The following KLC4 variants were observed in gnomAD, a reference collection of about 807,000 sequenced individuals.
KLC4 encodes kinesin light chain 4, also known as kinesin-like protein 8.
In KLC4, 49 loss-of-function variants were observed where a neutral mutation model predicts 77.2. The observed-to-expected ratio is 0.63, with a 90% CI of 0.50 to 0.80. The LOEUF (loss-of-function observed/expected upper bound fraction) is 0.80, where lower values mean the gene tolerates loss of function less well. Ranked by LOEUF, KLC4 falls within the 30% of genes least tolerant of loss-of-function variation. The pLI is 0.00. For synonymous variants in KLC4, 274 were observed against 314.5 expected (o/e 0.87, Z 1.36); for missense variants, 669 against 793.5 (o/e 0.84, Z 1.89).
rs1244831750 is a variant in KLC4 at position 43,063,030 on chromosome 6, T to C, written c.372T>C (p.Ala124=). 1.2e-6 allele frequency: 2 copies of C among 1,614,190 alleles called. No homozygotes were observed. Among genetic ancestry groups the C allele is most frequent in the South Asian group, 2.2e-5 (2 of 91,086 alleles). The change falls in exon 3 of 16, where the codon GCT becomes GCC. Residue 124 remains alanine (A), a synonymous_variant. Transcript: ENST00000347162. The part of the protein sequence containing the change: ...QENQWLRDEL[A]GTQQRLQRSE... ...ACCAGTGGCTGCGGGATGAGCTGGCTGGCACCCAGCAGCGGCTACAGCGCA... is the reference window on the plus strand; with the variant it reads ...ACCAGTGGCTGCGGGATGAGCTGGCCGGCACCCAGCAGCGGCTACAGCGCA...
At chr6:43,072,055 T>A (rs1375851093) in intron 11 of KLC4, 92 bp from the exon 12 acceptor site, 1 of 1,411,104 alleles carries the variant, frequency 7.1e-7, no homozygotes, top group Admixed American at 1.7e-5. Flanking sequence ...TCCTATTTTC[T>A]TATTTTTTTT....
At position 43,066,408 on chromosome 6, in the gene KLC4, G is replaced by T; in HGVS notation, c.674G>T (p.Gly225Val). 1 of 1,614,234 alleles carries T rather than the reference G, an allele frequency of 6.2e-7. No individual in the cohort carries two copies. The highest frequency in any genetic ancestry group is 8.5e-7 in the Non-Finnish European group (1 of 1,180,052). Reference sequence around the variant, plus strand: ...CTGGTGATCCAGTACGCAGCCCAAGGTCGCTATGAGGTGGCCGTGCCACTC... The same window carrying T: ...CTGGTGATCCAGTACGCAGCCCAAGTTCGCTATGAGGTGGCCGTGCCACTC... ...HNLVIQYAAQ[G>V]RYEVAVPLCK... The change falls in exon 5 of 16, where the codon GGT becomes GTT. Residue 225 changes from glycine (G) to valine (V), a missense_variant. Physicochemically the swap from Gly to Val is moderately radical, Grantham distance 109. Transcript: ENST00000347162.
chr6:43,070,167 T>C (rs569969989), intron 6 of KLC4, among the ~76,000 whole-genome samples, 187 bp from the exon 7 acceptor site: 1 of 151,926 alleles, frequency 6.6e-6, no homozygotes, highest in African/African-American at 2.4e-5. Context: ...GGCGATACTG[T>C]CCCTTAGCCT....
chr6:43,073,555 G>A (rs964743497), intron 14 of KLC4: 5 of 528,784 alleles, frequency 9.5e-6, no homozygotes, highest in Admixed American at 3.2e-5. Context: ...GCTGAGGCAG[G>A]AGAATTGCTG....
At chr6:43,059,710 G>A in intron 1 of KLC4, 25 bp downstream of exon 1, 1 of 1,286,930 alleles carries the variant, frequency 7.8e-7, no homozygotes, top group East Asian at 3.2e-5. Context: ...GTATCCTGGG[G>A]CTGAAGGTTA....
Position 43,063,155 on chromosome 6 carries a change from T to C in KLC4, c.489+8T>C, listed in dbSNP as rs559297220. On this transcript the variant is annotated splice_region_variant and intron_variant, in intron 3 of 15. Transcript: ENST00000347162. ...GAGGATGGACATACCTCGGTGAGTG[T>C]GCACAGGCGAGACTGGCTGAGGGGT... 7 of 1,603,652 alleles carry C rather than the reference T, an allele frequency of 4.4e-6. No individual in the cohort carries two copies. The African/African-American group carries it at 9.4e-5, about 21-fold the overall frequency.
rs1016660769 is a variant in KLC4, at chr6:43,059,744, C to T, written c.-26+59C>T. The stretch of plus-strand genomic sequence containing the variant: ...TAAGGTCTCTGCCATCTCTTATTCT[C>T]GCACTACCAGAAAGATGAACAAACC... On this transcript the variant is annotated intron_variant, in intron 1 of 15. Coordinates refer to ENST00000347162, the MANE Select transcript of KLC4 (RefSeq NM_201521.3). 4 of 1,222,818 alleles carry T rather than the reference C, an allele frequency of 3.3e-6. No individual in the cohort carries two copies. In the African/African-American group the frequency reaches 4.7e-5, roughly 14 times the overall value. The allele number at this position is 1,222,818 out of a possible 1,614,324, so 75.7% of individuals were successfully genotyped here.
At chr6:43,073,386 C>T (rs369582680) in intron 14 of KLC4, 48 bp downstream of exon 14, 112 of 1,376,582 alleles carry the variant, frequency 8.1e-5, no homozygotes, top group Non-Finnish European at 1.1e-4. Flanking sequence ...TGCAGTGGCT[C>T]ACGCCTGTAA....
At chr6:43,069,173 A>G (rs1009655354) in intron 6 of KLC4, among the ~76,000 whole-genome samples, 1 of 152,226 alleles carries the variant, frequency 6.6e-6, no homozygotes, top group Non-Finnish European at 1.5e-5. Context: ...AAGTAGAGAT[A>G]TCACGCCAAG....
rs148687735 is a variant in KLC4 at position 43,066,312 on chromosome 6, G to A, written c.578G>A (p.Arg193His). Residue 193 changes from arginine to histidine, a missense_variant, in exon 5 of 16, where the codon CGT (arginine) becomes CAT (histidine). Arg to His is a conservative substitution (Grantham distance 29, BLOSUM62 0). Coordinates refer to ENST00000347162, the MANE Select transcript of KLC4 (RefSeq NM_201521.3). ...EEEDPSNGLS[R>H]GQGATAAQQG... ...ATGTTCTGTGATGGTTTAGTGTCCC[G>A]TGGTCAAGGTGCTACAGCAGCTCAG... 66 of 1,613,726 alleles carry A rather than the reference G, an allele frequency of 4.1e-5. No individual in the cohort carries two copies. The African/African-American group carries it at 5.7e-4, about 14-fold the overall frequency.
chr6:43,074,666 C>A lies in KLC4; in HGVS notation c.1854C>A (p.Ser618Arg), dbSNP rs1281508571. The A allele has an allele frequency of 1.2e-6, 2 of 1,613,998 alleles. No individual in the cohort carries two copies. Among genetic ancestry groups the A allele is most frequent in the Admixed American group, 3.3e-5 (2 of 60,008 alleles). ...CCAGCACCATGGACCTCTCTTCAAG[C>A]AGCTGACATTCAACCCGGCCCCCAG... ...LSASTMDLSS[S>R]S Residue 618 changes from serine to arginine, a missense_variant, in exon 16 of 16, where the codon AGC becomes AGA. Ser to Arg is a moderately radical substitution (Grantham distance 110). Coordinates refer to ENST00000347162, the MANE Select transcript of KLC4 (RefSeq NM_201521.3).
intron 3 of KLC4, 194 bp from the exon 4 acceptor site, chr6:43,065,426 A>C: frequency 1.9e-6 from 1 of 529,758 alleles, no homozygotes; most frequent in Non-Finnish European, 3.4e-6. Flanking sequence ...ATTTTGTCCA[A>C]AGCATCTCTG....
chr6:43,065,502 G>A (rs1444520702), intron 3 of KLC4, 118 bp from the exon 4 acceptor site: 2 of 660,876 alleles, frequency 3.0e-6, no homozygotes, highest in Non-Finnish European at 5.4e-6. Context: ...GGCAGAGACA[G>A]GAACAACAGT....
rs1246666638 is a variant in KLC4, at chr6:43,061,551, C to T, written c.216C>T (p.Arg72=). Reference sequence around the variant, plus strand: ...TGCATGAGAAGGCCCGGCAGCTTCGCCGTTCTATGGAAAACATTGAGCTCG... The same window carrying T: ...TGCATGAGAAGGCCCGGCAGCTTCGTCGTTCTATGGAAAACATTGAGCTCG... ...GLVHEKARQL[R]RSMENIELGL... The change falls in exon 2 of 16, where the codon CGC becomes CGT. Residue 72 remains arginine, a synonymous_variant. Transcript: ENST00000347162. 1.9e-6 allele frequency: 3 copies of T among 1,613,780 alleles called. No individual in the cohort carries two copies. The East Asian group carries it at 6.7e-5, about 36-fold the overall frequency.
intron 8 of KLC4, 60 bp downstream of exon 8, chr6:43,070,925 G>C: frequency 3.4e-6 from 1 of 291,976 alleles, no homozygotes; most frequent in South Asian, 2.9e-5. Context: ...GAGGTGGGGG[G>C]AGGGGGGGCA....
intron 12 of KLC4, chr6:43,072,603 G>A (rs919308374): frequency 5.2e-6 from 3 of 581,592 alleles, no homozygotes; most frequent in East Asian, 2.9e-5. Context: ...AGTAGGTTGT[G>A]AAATCAATTC....
chr6:43,068,919 C>T (rs928338508), intron 6 of KLC4, among the ~76,000 whole-genome samples: 5 of 152,124 alleles, frequency 3.3e-5, no homozygotes, highest in Non-Finnish European at 2.9e-5. Context: ...ACCAGCCTGA[C>T]CAACAAGGTG....
chr6:43,071,550 C>T lies in KLC4; in HGVS notation c.1256-17C>T. ...AGCTCCCATCTCTAACCTCCCCACCCCATGTATCACCCCTAGATGACCACA... is the reference window on the plus strand; with the variant it reads ...AGCTCCCATCTCTAACCTCCCCACCTCATGTATCACCCCTAGATGACCACA... On this transcript the variant is annotated splice_polypyrimidine_tract_variant and intron_variant, in intron 9 of 15. Transcript: ENST00000347162. The T allele has an allele frequency of 6.2e-7, 1 of 1,611,334 alleles. No individual in the cohort carries two copies. The highest frequency in any genetic ancestry group is 8.5e-7 in the Non-Finnish European group (1 of 1,178,292).
chr6:43,060,737 C>A, intron 1 of KLC4: 1 of 565,658 alleles, frequency 1.8e-6, no homozygotes, highest in Non-Finnish European at 2.3e-6. Flanking sequence ...TTTGGAGATG[C>A]TGGGCTTAGT....
Sources: gnomAD v4.1 joint callset for allele counts (sites outside exome capture counted in the v4.1 genomes callset) on GRCh38, gnomAD v4.1.1 for gene constraint, MANE v1.5 for transcripts, NCBI Gene and HGNC (gene_info 2026-07-23, HGNC 2026-07-21) for gene names.